ZNF536: variants seen among roughly 807,000 people sequenced by gnomAD.
ZNF536 encodes zinc finger protein 536.
ZNF536 carries 13 observed loss-of-function variants against 84.5 expected under a neutral mutation model. The observed-to-expected ratio is 0.15, with a 90% CI of 0.10 to 0.24. The LOEUF (loss-of-function observed/expected upper bound fraction) is 0.24. Among genes scored for constraint, ZNF536 ranks in the 10% least tolerant of loss-of-function variants. The probability of loss-of-function intolerance (pLI) is 1.00; values close to 1 mark genes in which losing one functional copy is unlikely to be tolerated. For synonymous variants in ZNF536, 811 were observed against 742.5 expected (o/e 1.09, Z -1.50); for missense variants, 1,536 against 1,747.5 (o/e 0.88, Z 2.16).
At chr19:30,531,099 A>T (rs909086580) in intron 2 of ZNF536, among the ~76,000 whole-genome samples, 1 of 152,232 alleles carries the variant, frequency 6.6e-6, no homozygotes, top group South Asian at 2.1e-4. Context: ...TAGTCTAACC[A>T]TAAATGCCAT....
chr19:30,505,402 A>G (rs2055132842), intron 2 of ZNF536, among the ~76,000 whole-genome samples: 2 of 147,910 alleles, frequency 1.4e-5, no homozygotes, highest in South Asian at 4.2e-4. Context: ...TATAAGATAT[A>G]TTAAGATATG....
chr19:30,627,448 G>A (rs1309198319), intron 1 of ZNF536, among the ~76,000 whole-genome samples: 1 of 119,766 alleles, frequency 8.3e-6, no homozygotes, highest in Non-Finnish European at 1.6e-5. Flanking sequence ...TCCAGCCTGG[G>A]TGACAGACCA....
At chr19:30,325,920 C>A (rs2047009158) in intron 2 of ZNF536, among the ~76,000 whole-genome samples, 1 of 152,194 alleles carries the variant, frequency 6.6e-6, no homozygotes, top group Admixed American at 6.5e-5. Flanking sequence ...GAGGGGCTGC[C>A]TCTCTACTGT....
chr19:30,500,832 G>C (rs2054920532), intron 2 of ZNF536, among the ~76,000 whole-genome samples: 1 of 152,202 alleles, frequency 6.6e-6, no homozygotes, highest in South Asian at 2.1e-4. Context: ...CAGAGGCAAG[G>C]GCCACGAGTT....
At chr19:30,627,754 G>T (rs1032046505) in intron 1 of ZNF536, among the ~76,000 whole-genome samples, 3 of 152,174 alleles carry the variant, frequency 2.0e-5, no homozygotes, top group Non-Finnish European at 2.9e-5. Flanking sequence ...ATTTTCCTGC[G>T]TTGACCTTCC....
intron 1 of ZNF536, among the ~76,000 whole-genome samples, chr19:30,440,953 A>G (rs1288366578): frequency 6.6e-6 from 1 of 152,204 alleles, no homozygotes; most frequent in Non-Finnish European, 1.5e-5. Context: ...GAAAAAAATA[A>G]AAGAATTCCA....
intron 2 of ZNF536, among the ~76,000 whole-genome samples, chr19:30,294,706 G>GT (rs2045945642): frequency 6.6e-6 from 1 of 152,130 alleles, no homozygotes; most frequent in Non-Finnish European, 1.5e-5. Flanking sequence ...CCTAGAGAAG[G>GT]TTTTGGAAGT....
At chr19:30,320,795 T>A (rs867626581) in intron 2 of ZNF536, among the ~76,000 whole-genome samples, 1 of 152,112 alleles carries the variant, frequency 6.6e-6, no homozygotes, top group South Asian at 2.1e-4. Flanking sequence ...TCTTCTTGGC[T>A]CCCGGGAGAA....
chr19:30,275,413 C>T lies in ZNF536; in HGVS notation c.-189-8659C>T, dbSNP rs535538172. Among the ~76,000 whole-genome samples, 13 of 152,320 alleles carry T rather than the reference C, an allele frequency of 8.5e-5. No homozygotes were observed. In the South Asian group the frequency reaches 1.7e-3, roughly 19 times the overall value. Reference sequence around the variant, plus strand: ...GTGCAGAATGGTGCCAAGCTCTGTGCGTGCTCCTGAGGATACGGCCATGGG... The same window carrying T: ...GTGCAGAATGGTGCCAAGCTCTGTGTGTGCTCCTGAGGATACGGCCATGGG... On this transcript the variant is annotated intron_variant, in intron 1 of 5. Transcript: ENST00000585628.
chr19:30,538,927 G>A (rs957096385), intron 3 of ZNF536, among the ~76,000 whole-genome samples: 21 of 152,082 alleles, frequency 1.4e-4, no homozygotes, highest in Non-Finnish European at 2.8e-4. Context: ...TGTATATATG[G>A]CCAGGCACAG....
intron 1 of ZNF536, among the ~76,000 whole-genome samples, chr19:30,683,548 C>T (rs12610817): frequency 6.6e-6 from 1 of 151,404 alleles, no homozygotes; most frequent in African/African-American, 2.4e-5. Context: ...ATAACCTGAG[C>T]GGATTTTTTT....
intron 1 of ZNF536, among the ~76,000 whole-genome samples, chr19:30,569,559 CTT>C (rs34995610): frequency 9.3e-3 from 510 of 54,898 alleles, no homozygotes; most frequent in Non-Finnish European, 0.012. Context: ...GATAAACGTT[CTT>C]TTTTTTTTTT....
chr19:30,534,563 AAAG>A (rs2044989630), intron 2 of ZNF536, among the ~76,000 whole-genome samples: 1 of 152,388 alleles, frequency 6.6e-6, no homozygotes, highest in Admixed American at 6.5e-5. Context: ...GAACTAAGCA[AAAG>A]AAGAAATCAA....
chr19:30,472,441 G>A (rs371883500), intron 2 of ZNF536, among the ~76,000 whole-genome samples: 125 of 152,208 alleles, frequency 8.2e-4, no homozygotes, highest in Non-Finnish European at 1.3e-3. Context: ...TGAGACTCCC[G>A]TAGCCAGAGA....
At chr19:30,441,529 G>T (rs2052047443) in intron 1 of ZNF536, among the ~76,000 whole-genome samples, 1 of 152,152 alleles carries the variant, frequency 6.6e-6, no homozygotes, top group South Asian at 2.1e-4. Flanking sequence ...CAGTGGCAAG[G>T]CTAGGGACTG....
rs2045009578 is a variant in ZNF536 at position 30,535,013 on chromosome 19, G to A, written c.2323+14G>A. 1 of 1,604,642 alleles carries A rather than the reference G, an allele frequency of 6.2e-7. No individual in the cohort carries two copies. Among genetic ancestry groups the A allele is most frequent in the Middle Eastern group, 1.7e-4 (1 of 6,024 alleles). On this transcript the variant is annotated intron_variant, in intron 3 of 4. Coordinates refer to ENST00000355537, the MANE Select transcript of ZNF536 (RefSeq NM_014717.3). The stretch of plus-strand genomic sequence containing the variant: ...GGATACACACAGGTGAGAAGTCTGA[G>A]TGCATCCAGGGGCACAGCCCAGAGA...
chr19:30,640,171 C>T (rs920650209), intron 1 of ZNF536, among the ~76,000 whole-genome samples: 12 of 151,952 alleles, frequency 7.9e-5, no homozygotes, highest in East Asian at 1.9e-4. Context: ...CACTTGAATC[C>T]GGGAGGCAGA....
At chr19:30,511,548 T>C (rs1169002571) in intron 2 of ZNF536, among the ~76,000 whole-genome samples, 2 of 152,168 alleles carry the variant, frequency 1.3e-5, no homozygotes, top group Non-Finnish European at 2.9e-5. Flanking sequence ...TCAGCCTTCA[T>C]TGTGTCTGCG....
chr19:30,475,505 T>C (rs2053808522), intron 2 of ZNF536, among the ~76,000 whole-genome samples: 1 of 152,204 alleles, frequency 6.6e-6, no homozygotes. Context: ...CCTGGTATTT[T>C]GTATGTATTT....
Sources: allele counts gnomAD v4.1 joint callset (sites outside exome capture counted in the v4.1 genomes callset), GRCh38; gene constraint gnomAD v4.1.1; transcripts MANE v1.5; gene names NCBI Gene and HGNC (gene_info 2026-07-23, HGNC 2026-07-21).